NTM: variants seen among roughly 807,000 people sequenced by gnomAD.
The protein encoded by NTM is neurotrimin.
NTM carries 13 observed loss-of-function variants against 42.1 expected under a neutral mutation model. The observed-to-expected ratio is 0.31, with a 90% CI of 0.20 to 0.49. The LOEUF is 0.49. NTM is among the 20% of genes least tolerant of loss of function. NTM has a pLI of 0.99. For synonymous variants in NTM, 187 were observed against 179.2 expected (o/e 1.04, Z -0.35); for missense variants, 373 against 452.8 (o/e 0.82, Z 1.60).
chr11:132,278,979 C>T (rs1047979050), intron 4 of NTM, among the ~76,000 whole-genome samples: 2 of 152,152 alleles, frequency 1.3e-5, no homozygotes, highest in African/African-American at 4.8e-5. Flanking sequence ...CAAATATCCA[C>T]AAGACGTCCC....
chr11:132,232,008 G>C (rs1023949965), intron 4 of NTM, among the ~76,000 whole-genome samples: 6 of 152,198 alleles, frequency 3.9e-5, no homozygotes, highest in African/African-American at 1.4e-4. Flanking sequence ...GTGGAAGGCA[G>C]AGCAAGAGAG....
intron 2 of NTM, among the ~76,000 whole-genome samples, chr11:132,063,596 C>T (rs952179704): frequency 2.6e-5 from 4 of 152,160 alleles, no homozygotes; most frequent in Non-Finnish European, 4.4e-5. Flanking sequence ...GTCTCCCCAC[C>T]CTCCGGTGCC....
intron 2 of NTM, among the ~76,000 whole-genome samples, chr11:132,068,462 A>G (rs1269890980): frequency 6.6e-6 from 1 of 152,116 alleles, no homozygotes; most frequent in Non-Finnish European, 1.5e-5. Context: ...TTCCAACAAC[A>G]TGCTTCTAAT....
At chr11:131,840,590 G>GT (rs2044106951) in intron 1 of NTM, among the ~76,000 whole-genome samples, 1 of 152,122 alleles carries the variant, frequency 6.6e-6, no homozygotes, top group South Asian at 2.1e-4. Flanking sequence ...ACTTTCATGA[G>GT]TTTTTTCTTT....
At chr11:132,221,259 T>C (rs910207593) in intron 4 of NTM, among the ~76,000 whole-genome samples, 1 of 152,226 alleles carries the variant, frequency 6.6e-6, no homozygotes, top group Non-Finnish European at 1.5e-5. Context: ...TTGGTGGATG[T>C]GCAAGAATGT....
intron 2 of NTM, among the ~76,000 whole-genome samples, chr11:131,926,619 A>G (rs2138367589): frequency 6.6e-6 from 1 of 152,310 alleles, no homozygotes; most frequent in African/African-American, 2.4e-5. Flanking sequence ...TTCCATGTCA[A>G]GATTAAGCTG....
chr11:131,704,037 T>C (rs923904522), intron 1 of NTM, among the ~76,000 whole-genome samples: 1 of 151,804 alleles, frequency 6.6e-6, no homozygotes, highest in Non-Finnish European at 1.5e-5. Flanking sequence ...CCAGGTTGGC[T>C]CATGTGGTTC....
chr11:131,982,539 G>GCTCC (rs903735224), intron 2 of NTM, among the ~76,000 whole-genome samples: 18 of 152,054 alleles, frequency 1.2e-4, no homozygotes, highest in African/African-American at 4.3e-4. Flanking sequence ...CAGCCAGGGT[G>GCTCC]CTCCCCTATG....
At chr11:131,864,904 G>A (rs924092684) in intron 1 of NTM, among the ~76,000 whole-genome samples, 7 of 152,114 alleles carry the variant, frequency 4.6e-5, no homozygotes, top group African/African-American at 1.7e-4. Flanking sequence ...ATGTTTCTGG[G>A]CTTAGACAAC....
chr11:131,625,504 G>T (rs1413515174), intron 1 of NTM, among the ~76,000 whole-genome samples: 2 of 152,056 alleles, frequency 1.3e-5, no homozygotes, highest in Non-Finnish European at 2.9e-5. Context: ...CAGAGAGACA[G>T]ACAGACACAG....
intron 2 of NTM, among the ~76,000 whole-genome samples, chr11:131,956,997 G>C (rs976733876): frequency 6.6e-6 from 1 of 151,564 alleles, no homozygotes; most frequent in African/African-American, 2.4e-5. Flanking sequence ...TGTGTCCTCT[G>C]TGCTACCTCA....
chr11:131,789,770 C>A (rs1411442516), intron 1 of NTM, among the ~76,000 whole-genome samples: 5 of 146,198 alleles, frequency 3.4e-5, no homozygotes, highest in African/African-American at 1.2e-4. Flanking sequence ...TCCTGGCTAA[C>A]ACGGTGAAAC....
intron 3 of NTM, among the ~76,000 whole-genome samples, chr11:132,148,559 A>G (rs1027518796): frequency 6.6e-6 from 1 of 152,296 alleles, no homozygotes; most frequent in Admixed American, 6.5e-5. Context: ...GCAGGGCCTC[A>G]TGGAACTGGA....
chr11:132,164,925 G>A (rs539395655), intron 3 of NTM, among the ~76,000 whole-genome samples: 2 of 152,100 alleles, frequency 1.3e-5, no homozygotes, highest in African/African-American at 2.4e-5. Context: ...TCATGCAAAC[G>A]CTACTCTTCC....
intron 4 of NTM, among the ~76,000 whole-genome samples, chr11:132,227,360 TA>T: frequency 6.6e-6 from 1 of 152,286 alleles, no homozygotes; most frequent in Middle Eastern, 3.4e-3. Flanking sequence ...AGACGGTAGA[TA>T]AAAGATTAAT....
Position 132,306,195 on chromosome 11 carries a change from T to C in NTM, c.527-1494T>C, listed in dbSNP as rs1009896245. ...GTTGCTGTTGTTATTGTTATTGTGG[T>C]TATCTTGACAAAACAGTGACTTCAA... On this transcript the variant is annotated intron_variant, in intron 4 of 8. Transcript: ENST00000683400. 2.0e-5 allele frequency: 3 copies of C among 152,194 alleles called. No individual in the cohort carries two copies. In the East Asian group the frequency reaches 5.8e-4, roughly 29 times the overall value. 9.4% of individuals were successfully genotyped at this position (152,194 alleles called of 1,614,324 possible). A position where few individuals can be genotyped will look rare whatever the true frequency, so the allele number is the denominator to read the frequency against.
chr11:131,695,776 T>C (rs1470530941), intron 1 of NTM, among the ~76,000 whole-genome samples: 1 of 152,160 alleles, frequency 6.6e-6, no homozygotes, highest in African/African-American at 2.4e-5. Context: ...ACGTAATCCT[T>C]AAGGCAACCC....
chr11:131,808,751 G>T (rs779435565), intron 1 of NTM, among the ~76,000 whole-genome samples: 5 of 152,168 alleles, frequency 3.3e-5, no homozygotes, highest in African/African-American at 7.2e-5. Flanking sequence ...CTGAGAAGCA[G>T]CACAAATAGG....
chr11:131,661,585 C>T, intron 1 of NTM, among the ~76,000 whole-genome samples: 1 of 152,304 alleles, frequency 6.6e-6, no homozygotes, highest in South Asian at 2.1e-4. Context: ...CACTTACTTT[C>T]TCTTTAGCAT....
Sources: allele counts gnomAD v4.1 joint callset (sites outside exome capture counted in the v4.1 genomes callset), GRCh38; gene constraint gnomAD v4.1.1; transcripts MANE v1.5; gene names NCBI Gene and HGNC (gene_info 2026-07-23, HGNC 2026-07-21).